Variants in PRKCA observed in about 807,000 individuals in gnomAD.
PRKCA encodes protein kinase C alpha type.
In PRKCA, 27 loss-of-function variants were observed where a neutral mutation model predicts 87.0. That is an observed-to-expected ratio of 0.31 (90% CI 0.23 to 0.43). The LOEUF is 0.43. PRKCA is among the 20% of genes least tolerant of loss of function. The probability of loss-of-function intolerance (pLI) is 1.00; values close to 1 mark genes in which losing one functional copy is unlikely to be tolerated. For synonymous variants in PRKCA, 329 were observed against 311.1 expected, an observed-to-expected ratio of 1.06 and a Z score of -0.61; for missense variants, 518 against 852.3, an observed-to-expected ratio of 0.61 and a Z score of 4.88.
chr17:66,660,704 ACGGTGAAAAC>A lies in PRKCA; in HGVS notation c.529+15195_529+15204del, dbSNP rs201608051. ...GGAGATCAAGACCATCCTGGCTAAC[ACGGTGAAAAC>A]CTGTCTCTACTAAAAAATATATATA... is the stretch of plus-strand genomic sequence containing the variant. On this transcript the variant is annotated intron_variant, in intron 5 of 16. Coordinates refer to ENST00000413366, the MANE Select transcript of PRKCA (RefSeq NM_002737.3). 6.2e-4 allele frequency among the ~76,000 whole-genome samples: 94 copies of A among 152,250 alleles called. No homozygotes were observed. In the East Asian group the frequency reaches 0.014, roughly 22 times the overall value.
chr17:66,522,826 AG>A (rs1967211726), intron 3 of PRKCA, among the ~76,000 whole-genome samples: 2 of 150,186 alleles, frequency 1.3e-5, no homozygotes, highest in Admixed American at 6.6e-5. Flanking sequence ...AAAAAAAAGA[AG>A]AAGCCAGGCC....
chr17:66,352,547 T>G (rs1598610175), intron 2 of PRKCA, among the ~76,000 whole-genome samples: 1 of 146,874 alleles, frequency 6.8e-6, no homozygotes, highest in African/African-American at 2.5e-5. Context: ...GAATTTGTGG[T>G]GTTTTTTGAG....
intron 3 of PRKCA, among the ~76,000 whole-genome samples, chr17:66,534,037 G>C (rs1278743982): frequency 6.6e-6 from 1 of 152,062 alleles, no homozygotes; most frequent in Non-Finnish European, 1.5e-5. Context: ...GCAATAAGAA[G>C]AACATGACCT....
chr17:66,447,542 G>A (rs1914098282), intron 2 of PRKCA, among the ~76,000 whole-genome samples: 1 of 152,184 alleles, frequency 6.6e-6, no homozygotes, highest in South Asian at 2.1e-4. Context: ...GCTTAACTGG[G>A]GGAGTGAGTT....
chr17:66,369,215 C>T (rs1908948280), intron 2 of PRKCA, among the ~76,000 whole-genome samples: 1 of 152,198 alleles, frequency 6.6e-6, no homozygotes, highest in Non-Finnish European at 1.5e-5. Flanking sequence ...ACAGATGATG[C>T]TATTGCAGAG....
At chr17:66,536,444 G>C (rs899234051) in intron 3 of PRKCA, among the ~76,000 whole-genome samples, 1 of 152,230 alleles carries the variant, frequency 6.6e-6, no homozygotes, top group Non-Finnish European at 1.5e-5. Context: ...TTACAGCATA[G>C]ATTATGCAGT....
In PRKCA at chr17:66,808,875, T is replaced by A. The variant is rs1198284436; in HGVS notation, c.*4838T>A. Reference sequence around the variant, plus strand: ...ACAGGTGCGTGCCACCACACCCAGCTAAATTTTGTGTTTTTAGTAGAGATG... The same window carrying A: ...ACAGGTGCGTGCCACCACACCCAGCAAAATTTTGTGTTTTTAGTAGAGATG... On this transcript the variant is annotated 3_prime_UTR_variant, in exon 17 of 17. Transcript: ENST00000413366. The A allele has an allele frequency of 6.6e-6, 1 of 152,154 alleles. No homozygotes were observed. The highest frequency in any genetic ancestry group is 2.4e-5 in the African/African-American group (1 of 41,416). The allele number at this position is 152,154 out of a possible 1,614,324, so 9.4% of individuals were successfully genotyped here.
At chr17:66,609,820 G>T (rs534618643) in intron 3 of PRKCA, among the ~76,000 whole-genome samples, 8 of 152,058 alleles carry the variant, frequency 5.3e-5, no homozygotes, top group African/African-American at 1.7e-4. Context: ...GTGAAAACAA[G>T]AATTTGTATT....
intron 2 of PRKCA, among the ~76,000 whole-genome samples, chr17:66,466,145 A>G (rs1341853603): frequency 6.6e-6 from 1 of 152,210 alleles, no homozygotes; most frequent in Non-Finnish European, 1.5e-5. Context: ...GAATTTTAAG[A>G]AGTCACTGAA....
chr17:66,668,150 G>A (rs942596130), intron 5 of PRKCA, among the ~76,000 whole-genome samples: 2 of 152,138 alleles, frequency 1.3e-5, no homozygotes, highest in African/African-American at 4.8e-5. Context: ...CAGGGTCTTC[G>A]ACCAGCCAAA....
chr17:66,366,365 T>G (rs1374833913), intron 2 of PRKCA, among the ~76,000 whole-genome samples: 2 of 152,216 alleles, frequency 1.3e-5, no homozygotes, highest in African/African-American at 4.8e-5. Context: ...TATTAATTAC[T>G]CTGTTTTCCA....
At chr17:66,723,782 A>G (rs978654133) in intron 8 of PRKCA, among the ~76,000 whole-genome samples, 6 of 152,188 alleles carry the variant, frequency 3.9e-5, no homozygotes, top group African/African-American at 7.2e-5. Context: ...CAGTCTTCTT[A>G]CTACTATATT....
rs987011685 is a variant in PRKCA at position 66,591,616 on chromosome 17, T to C, written c.289-49739T>C. On this transcript the variant is annotated intron_variant, in intron 3 of 16. Coordinates refer to ENST00000413366, the MANE Select transcript of PRKCA (RefSeq NM_002737.3). ...CTAAATAGTTTCTTCCCAGTAAAAG[T>C]GCCCCCACTTTGGTGGTTTAATTAT... 8.5e-5 allele frequency among the ~76,000 whole-genome samples: 13 copies of C among 152,210 alleles called. 1 individual carries two copies. Among genetic ancestry groups the C allele is most frequent in the African/African-American group, 2.7e-4 (11 of 41,462 alleles).
intron 2 of PRKCA, among the ~76,000 whole-genome samples, chr17:66,327,618 A>C (rs1906065568): frequency 6.6e-6 from 1 of 152,184 alleles, no homozygotes. Context: ...TGTAAACTTC[A>C]TGTCCTGTGT....
intron 2 of PRKCA, among the ~76,000 whole-genome samples, chr17:66,383,160 A>G (rs1271243500): frequency 1.3e-5 from 2 of 152,206 alleles, no homozygotes; most frequent in African/African-American, 4.8e-5. Context: ...CCTGTAATGA[A>G]TAACTTTGTG....
chr17:66,498,946 G>A (rs1376340228), intron 3 of PRKCA, among the ~76,000 whole-genome samples: 1 of 152,110 alleles, frequency 6.6e-6, no homozygotes, highest in Non-Finnish European at 1.5e-5. Flanking sequence ...GAGCATTGGG[G>A]GCCCAGGAAA....
At chr17:66,680,955 G>A (rs978399124) in intron 5 of PRKCA, among the ~76,000 whole-genome samples, 1 of 152,146 alleles carries the variant, frequency 6.6e-6, no homozygotes, top group African/African-American at 2.4e-5. Flanking sequence ...GGGACTGGGT[G>A]CAGTGGCTCA....
chr17:66,585,853 A>T (rs527399453), intron 3 of PRKCA, among the ~76,000 whole-genome samples: 1 of 152,364 alleles, frequency 6.6e-6, no homozygotes, highest in Non-Finnish European at 1.5e-5. Context: ...AATATGGGAA[A>T]GTAGCTGACA....
intron 2 of PRKCA, among the ~76,000 whole-genome samples, chr17:66,417,152 G>A (rs1418590683): frequency 3.3e-5 from 5 of 151,850 alleles, no homozygotes; most frequent in African/African-American, 1.2e-4. Context: ...CATTTGCCTC[G>A]GCCTCCCAAA....
Sources: gnomAD v4.1 joint callset for allele counts (sites outside exome capture counted in the v4.1 genomes callset) on GRCh38, gnomAD v4.1.1 for gene constraint, MANE v1.5 for transcripts, NCBI Gene and HGNC (gene_info 2026-07-23, HGNC 2026-07-21) for gene names.